Variants in MACROD2 observed in about 807,000 individuals in gnomAD.
MACROD2 encodes mono-ADP ribosylhydrolase 2.
In MACROD2, 36 loss-of-function variants were observed where a neutral mutation model predicts 70.4. The observed-to-expected ratio is 0.51, with a 90% CI of 0.39 to 0.68. The LOEUF is 0.68. Among genes scored for constraint, MACROD2 ranks in the 30% least tolerant of loss-of-function variants. The pLI, the probability that MACROD2 is intolerant of heterozygous loss-of-function variation, is 0.00. For synonymous variants in MACROD2, 172 were observed against 178.8 expected (o/e 0.96, Z 0.30); for missense variants, 496 against 538.4 (o/e 0.92, Z 0.78).
intron 5 of MACROD2, among the ~76,000 whole-genome samples, chr20:14,781,940 T>C (rs2072306859): frequency 6.6e-6 from 1 of 152,038 alleles, no homozygotes; most frequent in Non-Finnish European, 1.5e-5. Flanking sequence ...TTTCCTTTTT[T>C]TTTGAGACAG....
At chr20:15,206,777 C>T (rs1184198152) in intron 5 of MACROD2, among the ~76,000 whole-genome samples, 14 of 112,648 alleles carry the variant, frequency 1.2e-4, no homozygotes, top group South Asian at 5.7e-4. Flanking sequence ...TCGCCCAGGC[C>T]GGACTGCGGA....
At chr20:14,310,542 C>T (rs1177394176) in intron 3 of MACROD2, among the ~76,000 whole-genome samples, 1 of 152,120 alleles carries the variant, frequency 6.6e-6, no homozygotes, top group East Asian at 1.9e-4. Context: ...AAGTATAGCA[C>T]ATACAGTTAT....
intron 4 of MACROD2, among the ~76,000 whole-genome samples, chr20:14,535,909 C>T (rs2123219170): frequency 6.6e-6 from 1 of 152,188 alleles, no homozygotes; most frequent in South Asian, 2.1e-4. Context: ...TTAAAGTTAG[C>T]ACTAATGTAA....
chr20:14,346,514 C>T (rs2083065853), intron 3 of MACROD2, among the ~76,000 whole-genome samples: 2 of 152,176 alleles, frequency 1.3e-5, no homozygotes, highest in African/African-American at 4.8e-5. Context: ...CTCGTTCAAG[C>T]ACCTATTTAT....
At chr20:14,810,708 A>G (rs1400485014) in intron 5 of MACROD2, among the ~76,000 whole-genome samples, 1 of 151,876 alleles carries the variant, frequency 6.6e-6, no homozygotes, top group Non-Finnish European at 1.5e-5. Context: ...CAGCCCAAAA[A>G]CTCCTTAAGC....
At chr20:15,431,756 A>G (rs977357262) in intron 7 of MACROD2, among the ~76,000 whole-genome samples, 1 of 152,110 alleles carries the variant, frequency 6.6e-6, no homozygotes, top group East Asian at 1.9e-4. Context: ...TTCTCAGTAG[A>G]AAGCATAATG....
intron 2 of MACROD2, among the ~76,000 whole-genome samples, chr20:14,060,870 A>T (rs190106417): frequency 6.6e-5 from 10 of 152,242 alleles, no homozygotes; most frequent in Admixed American, 5.2e-4. Context: ...GCCTTTGTTT[A>T]ATTGATTCTA....
intron 3 of MACROD2, among the ~76,000 whole-genome samples, chr20:14,141,995 A>C (rs2054882331): frequency 6.6e-6 from 1 of 152,172 alleles, no homozygotes; most frequent in African/African-American, 2.4e-5. Flanking sequence ...GGTATCCTGT[A>C]AGGTGAGGAC....
chr20:15,336,019 T>C (rs1048011058), intron 6 of MACROD2, among the ~76,000 whole-genome samples: 8 of 151,696 alleles, frequency 5.3e-5, no homozygotes, highest in African/African-American at 2.0e-4. Flanking sequence ...TCCAACTAAA[T>C]GAACCCCACC....
intron 3 of MACROD2, among the ~76,000 whole-genome samples, chr20:14,445,632 T>C (rs1274704535): frequency 6.6e-6 from 1 of 152,056 alleles, no homozygotes; most frequent in Non-Finnish European, 1.5e-5. Flanking sequence ...CTGGAAAAGT[T>C]TAATCCATGG....
At chr20:14,459,541 T>A (rs1415926489) in intron 3 of MACROD2, among the ~76,000 whole-genome samples, 1 of 152,094 alleles carries the variant, frequency 6.6e-6, no homozygotes, top group African/African-American at 2.4e-5. Flanking sequence ...GGTATCTACC[T>A]ATGGAATATA....
At chr20:14,890,398 G>A (rs1369280425) in intron 5 of MACROD2, among the ~76,000 whole-genome samples, 2 of 152,094 alleles carry the variant, frequency 1.3e-5, no homozygotes, top group Non-Finnish European at 2.9e-5. Flanking sequence ...CAGTGATGGA[G>A]GAAGAAAACC....
At chr20:15,116,335 C>G (rs958091018) in intron 5 of MACROD2, among the ~76,000 whole-genome samples, 3 of 152,054 alleles carry the variant, frequency 2.0e-5, no homozygotes, top group African/African-American at 7.2e-5. Context: ...TTTGCTCACT[C>G]ACTTCCACTT....
chr20:14,116,919 T>C (rs998567721), intron 3 of MACROD2, among the ~76,000 whole-genome samples: 1 of 151,992 alleles, frequency 6.6e-6, no homozygotes, highest in African/African-American at 2.4e-5. Flanking sequence ...ATACAAAAAT[T>C]AGCCAGTTGT....
At chr20:15,229,838 C>A in intron 5 of MACROD2, 102 bp from the exon 6 acceptor site, 1 of 1,219,156 alleles carries the variant, frequency 8.2e-7, no homozygotes, top group Non-Finnish European at 1.1e-6. Context: ...TGCTTGTCTC[C>A]AGGCTCTAAC....
intron 5 of MACROD2, among the ~76,000 whole-genome samples, chr20:15,063,404 A>C (rs1270672322): frequency 6.6e-6 from 1 of 152,216 alleles, no homozygotes; most frequent in African/African-American, 2.4e-5. Flanking sequence ...AACAAATATA[A>C]ATACTGAATT....
intron 2 of MACROD2, among the ~76,000 whole-genome samples, chr20:14,054,339 A>C (rs1226093596): frequency 6.6e-6 from 1 of 151,938 alleles, no homozygotes; most frequent in Non-Finnish European, 1.5e-5. Flanking sequence ...CCAAGAGGGG[A>C]GTTTCCAGCT....
chr20:16,035,816 C>T (rs1052886732), intron 15 of MACROD2, among the ~76,000 whole-genome samples: 6 of 151,822 alleles, frequency 4.0e-5, no homozygotes, highest in Non-Finnish European at 7.4e-5. Context: ...TCATCCTCCT[C>T]GGATGAGCTA....
chr20:15,808,120 T>A (rs2063785863), intron 8 of MACROD2, among the ~76,000 whole-genome samples: 1 of 152,050 alleles, frequency 6.6e-6, no homozygotes, highest in African/African-American at 2.4e-5. Flanking sequence ...TGTGAGCCCT[T>A]AAAAGGGACA....
Sources: gnomAD v4.1 joint callset for allele counts (sites outside exome capture counted in the v4.1 genomes callset) on GRCh38, gnomAD v4.1.1 for gene constraint, MANE v1.5 for transcripts, NCBI Gene and HGNC (gene_info 2026-07-23, HGNC 2026-07-21) for gene names.